Variants in AP2A2 observed in about 807,000 individuals in gnomAD.
AP2A2 encodes the protein AP-2 complex subunit alpha-2.
A neutral mutation model predicts 104.2 loss-of-function variants in AP2A2; 32 were observed. The observed-to-expected ratio is 0.31, with a 90% CI of 0.23 to 0.41. The LOEUF is 0.41. Among genes scored for constraint, AP2A2 ranks in the 10% least tolerant of loss-of-function variants. The pLI, the probability that AP2A2 is intolerant of heterozygous loss-of-function variation, is 1.00. For synonymous variants in AP2A2, 539 were observed against 533.3 expected, an observed-to-expected ratio of 1.01 and a Z score of -0.15; for missense variants, 912 against 1,261.0, an observed-to-expected ratio of 0.72 and a Z score of 4.19.
chr11:983,449 C>G (rs1405392454), intron 6 of AP2A2, among the ~76,000 whole-genome samples: 2 of 151,886 alleles, frequency 1.3e-5, no homozygotes, highest in East Asian at 3.9e-4. Context: ...GTGGCACGAT[C>G]TTGGCTCACT....
At chr11:1,005,967 G>A (rs1856188460) in intron 16 of AP2A2, among the ~76,000 whole-genome samples, 1 of 152,206 alleles carries the variant, frequency 6.6e-6, no homozygotes, top group Non-Finnish European at 1.5e-5. Context: ...TAAAAACAGC[G>A]ACACATCCTA....
intron 1 of AP2A2, among the ~76,000 whole-genome samples, chr11:935,755 T>C (rs1198252405): frequency 2.0e-5 from 3 of 150,732 alleles, no homozygotes; most frequent in Non-Finnish European, 3.0e-5. Flanking sequence ...TGCAGGCACC[T>C]GGCTAATTTT....
rs115392757 is a variant in AP2A2, at chr11:981,963, G to A, written c.705+664G>A. Among the ~76,000 whole-genome samples the A allele has an allele frequency of 4.8e-3, 738 of 152,394 alleles. 7 individuals carry two copies. The highest frequency in any genetic ancestry group is 0.017 in the African/African-American group (694 of 41,596). ...CTGCCGTGCACACGGCTCTCACAGC[G>A]GCAGCAGGAGGCGCGGGCGCGGCAC... is the stretch of plus-strand genomic sequence containing the variant. On this transcript the variant is annotated intron_variant, in intron 6 of 21. Transcript: ENST00000448903.
intron 2 of AP2A2, among the ~76,000 whole-genome samples, chr11:965,704 A>C (rs1169666225): frequency 6.6e-6 from 1 of 152,224 alleles, no homozygotes; most frequent in East Asian, 1.9e-4. Flanking sequence ...ACGCATGGGC[A>C]AGAAATCAGT....
chr11:944,207 G>A (rs1250500778), intron 1 of AP2A2, among the ~76,000 whole-genome samples: 1 of 152,232 alleles, frequency 6.6e-6, no homozygotes, highest in Non-Finnish European at 1.5e-5. Flanking sequence ...GGCACCTCTG[G>A]TGATCCCGTC....
rs1213152637 is a variant in AP2A2, at chr11:925,941, G to C, written c.-81G>C. 2 of 1,128,842 alleles carry C rather than the reference G, an allele frequency of 1.8e-6. No homozygotes were observed. The highest frequency in any genetic ancestry group is 1.2e-6 in the Non-Finnish European group (1 of 860,042). The allele number at this position is 1,128,842 out of a possible 1,614,324, so 69.9% of individuals were successfully genotyped here. ...CCGGCGGCTCCTCCGCGGCGGTGAC[G>C]GCGACCGCACTCCCCGCTTCCCGCT... On this transcript the variant is annotated 5_prime_UTR_variant, in exon 1 of 22. Transcript: ENST00000448903.
rs1289528050 is a variant in AP2A2 at position 992,725 on chromosome 11, C to T, written c.1452+40C>T. 1.2e-6 allele frequency: 2 copies of T among 1,610,178 alleles called. No homozygotes were observed. On this transcript the variant is annotated intron_variant, in intron 11 of 21. Coordinates refer to ENST00000448903, the MANE Select transcript of AP2A2 (RefSeq NM_012305.4). The surrounding 1 kb of genome is among the most constrained non-coding windows in gnomAD (Gnocchi z 6.4). The stretch of plus-strand genomic sequence containing the variant: ...ATGGCAGGAAGGATGGGGTGGAGGG[C>T]AGTTGCAGAAGGTGAGCAGTGAGTG...
chr11:1,006,135 G>A (rs1856195998), intron 16 of AP2A2, among the ~76,000 whole-genome samples: 1 of 152,236 alleles, frequency 6.6e-6, no homozygotes, highest in Non-Finnish European at 1.5e-5. Flanking sequence ...GCCGGCAGAG[G>A]CCTGTGTGAT....
intron 4 of AP2A2, among the ~76,000 whole-genome samples, chr11:975,938 C>T (rs935081961): frequency 7.2e-5 from 11 of 152,096 alleles, no homozygotes; most frequent in African/African-American, 2.4e-4. Context: ...AAAGAGGAGG[C>T]GGATCCTCCT....
At chr11:998,022 C>T (rs1018917666) in intron 14 of AP2A2, among the ~76,000 whole-genome samples, 1 of 152,286 alleles carries the variant, frequency 6.6e-6, no homozygotes, top group Admixed American at 6.5e-5. Flanking sequence ...GCTGCAGGTG[C>T]ATGGCCATGG....
chr11:985,725 G>C, intron 8 of AP2A2, 143 bp downstream of exon 8: 14 of 1,236,968 alleles, frequency 1.1e-5, no homozygotes, highest in Non-Finnish European at 1.6e-5. Flanking sequence ...CCTGCCGGAT[G>C]CTTTTTTTCT....
intron 14 of AP2A2, chr11:996,242 A>T (rs1219150308): frequency 6.6e-6 from 1 of 152,470 alleles, no homozygotes; most frequent in Non-Finnish European, 1.5e-5. Flanking sequence ...AGGCGAGGGC[A>T]GGATGACGTG....
intron 1 of AP2A2, among the ~76,000 whole-genome samples, chr11:941,737 A>G (rs1040780849): frequency 1.4e-4 from 21 of 151,328 alleles, no homozygotes; most frequent in African/African-American, 5.1e-4. Context: ...ACAGGCATGC[A>G]CCACCACGCC....
chr11:955,662 G>C (rs1472594690), intron 1 of AP2A2, among the ~76,000 whole-genome samples: 1 of 152,242 alleles, frequency 6.6e-6, no homozygotes, highest in Non-Finnish European at 1.5e-5. Flanking sequence ...TGATTTTCCT[G>C]TTCTGACCAC....
intron 1 of AP2A2, among the ~76,000 whole-genome samples, chr11:946,092 A>G (rs148367424): frequency 6.6e-6 from 1 of 152,278 alleles, no homozygotes; most frequent in East Asian, 1.9e-4. Flanking sequence ...AGCAGTGAAA[A>G]CACTGGCAAA....
At chr11:950,438 AGCTG>A (rs1854014218) in intron 1 of AP2A2, among the ~76,000 whole-genome samples, 1 of 151,302 alleles carries the variant, frequency 6.6e-6, no homozygotes, top group South Asian at 2.1e-4. Flanking sequence ...CCTCCTGAGT[AGCTG>A]GGGCCACAGG....
At chr11:969,875 C>T (rs1854758742) in intron 2 of AP2A2, among the ~76,000 whole-genome samples, 1 of 152,194 alleles carries the variant, frequency 6.6e-6, no homozygotes, top group African/African-American at 2.4e-5. Flanking sequence ...CCTGTGAGGG[C>T]CAGCTGGGCT....
Position 1,011,105 on chromosome 11 carries a change from A to G in AP2A2, c.*480A>G. ...TGGGCCCTTGGGAGGAGCACAGCTGACCCTGGTTTTGCTGCAGTCCCAGCT... is the reference window on the plus strand; with the variant it reads ...TGGGCCCTTGGGAGGAGCACAGCTGGCCCTGGTTTTGCTGCAGTCCCAGCT... On this transcript the variant is annotated 3_prime_UTR_variant, in exon 22 of 22. Transcript: ENST00000448903. The G allele has an allele frequency of 1.7e-6, 1 of 589,026 alleles. No homozygotes were observed. Among genetic ancestry groups the G allele is most frequent in the Non-Finnish European group, 3.3e-6 (1 of 306,088 alleles). 36.5% of individuals were successfully genotyped at this position (589,026 alleles called of 1,614,324 possible). A position where few individuals can be genotyped will look rare whatever the true frequency, so the allele number is the denominator to read the frequency against.
At chr11:984,533 A>G in intron 6 of AP2A2, 112 bp from the exon 7 acceptor site, 1 of 928,218 alleles carries the variant, frequency 1.1e-6, no homozygotes, top group Non-Finnish European at 1.7e-6. Flanking sequence ...ATGAAACAAA[A>G]CCATTTTTCC....
Sources: allele counts gnomAD v4.1 joint callset (sites outside exome capture counted in the v4.1 genomes callset), GRCh38; gene constraint gnomAD v4.1.1; non-coding constraint Gnocchi (gnomAD v3.1); transcripts MANE v1.5; gene names NCBI Gene and HGNC (gene_info 2026-07-23, HGNC 2026-07-21).